The following TBC1D31 variants were observed in gnomAD, a reference collection of about 807,000 sequenced individuals.
TBC1D31 encodes the protein WD repeat domain 67.
A neutral mutation model predicts 132.9 loss-of-function variants in TBC1D31; 99 were observed. That is an observed-to-expected ratio of 0.74 (90% confidence interval 0.63 to 0.88). The LOEUF (loss-of-function observed/expected upper bound fraction) is 0.88. Ranked by LOEUF, TBC1D31 falls within the 40% of genes least tolerant of loss-of-function variation. The pLI is 0.00. For synonymous variants in TBC1D31, 385 were observed against 419.4 expected (o/e 0.92, Z 1.00); for missense variants, 1,134 against 1,256.6 (o/e 0.90, Z 1.48).
At chr8:123,077,495 CT>C (rs143914636) in intron 2 of TBC1D31, among the ~76,000 whole-genome samples, 3,964 of 146,032 alleles carry the variant, frequency 0.027, 139 homozygotes, top group African/African-American at 0.093. Flanking sequence ...TAGTAGTTTC[CT>C]TTTTTTTTTC....
chr8:123,139,573 A>G (rs149153977), intron 17 of TBC1D31, among the ~76,000 whole-genome samples: 1 of 152,114 alleles, frequency 6.6e-6, no homozygotes, highest in South Asian at 2.1e-4. Flanking sequence ...TCACTCAGCT[A>G]GGCAGTTTAT....
intron 11 of TBC1D31, among the ~76,000 whole-genome samples, chr8:123,121,361 G>A (rs1017770488): frequency 1.1e-4 from 16 of 152,280 alleles, no homozygotes; most frequent in African/African-American, 3.9e-4. Flanking sequence ...GTCATAAAAT[G>A]TGAATAATTG....
At chr8:123,110,057 T>C (rs1481004040) in intron 10 of TBC1D31, among the ~76,000 whole-genome samples, 1 of 152,056 alleles carries the variant, frequency 6.6e-6, no homozygotes, top group Non-Finnish European at 1.5e-5. Flanking sequence ...TCACGCCATT[T>C]TACTCCAGCC....
chr8:123,097,966 T>C (rs1816991773), intron 6 of TBC1D31: 1 of 152,324 alleles, frequency 6.6e-6, no homozygotes, highest in Non-Finnish European at 1.5e-5. Context: ...TCATCCCCCT[T>C]CGCTTATTCC....
At chr8:123,096,080 C>G (rs779206352) in intron 5 of TBC1D31, among the ~76,000 whole-genome samples, 15 of 152,202 alleles carry the variant, frequency 9.9e-5, no homozygotes, top group Non-Finnish European at 2.2e-4. Flanking sequence ...TATTTGTTCT[C>G]CCTGTTTTCA....
intron 7 of TBC1D31, chr8:123,103,086 C>T (rs1817602120): frequency 6.6e-6 from 1 of 152,212 alleles, no homozygotes; most frequent in Non-Finnish European, 1.5e-5. Context: ...TCTCAGGAAC[C>T]TGACTCTGTG....
At chr8:123,164,405 G>A in the TBC1D31 span, among the ~76,000 whole-genome samples, 1 of 152,124 alleles carries the variant, frequency 6.6e-6, no homozygotes, top group African/African-American at 2.4e-5. Context: ...AGAGTCTCAG[G>A]CCAAAGGAAA....
chr8:123,079,618 C>T (rs534040681), intron 2 of TBC1D31, among the ~76,000 whole-genome samples: 30 of 152,192 alleles, frequency 2.0e-4, no homozygotes, highest in African/African-American at 7.0e-4. Context: ...ACTTCAACAT[C>T]GAGGACTCTT....
intron 14 of TBC1D31, among the ~76,000 whole-genome samples, chr8:123,128,748 C>A (rs1461987208): frequency 6.7e-6 from 1 of 149,414 alleles, no homozygotes; most frequent in Non-Finnish European, 1.5e-5. Context: ...TGGTGGCACG[C>A]CCCTGTAGTC....
chr8:123,134,279 A>C, intron 17 of TBC1D31, 73 bp downstream of exon 17: 1 of 1,193,742 alleles, frequency 8.4e-7, no homozygotes, highest in Non-Finnish European at 1.2e-6. Context: ...CTGTAATCCC[A>C]GCACTTTGGG....
At chr8:123,157,689 C>G in the TBC1D31 span, among the ~76,000 whole-genome samples, 4 of 150,242 alleles carry the variant, frequency 2.7e-5, no homozygotes, top group East Asian at 2.0e-4. Context: ...AGATGCATAA[C>G]GATTGGAAAA....
chr8:123,120,632 A>G (rs1218837952), intron 11 of TBC1D31, among the ~76,000 whole-genome samples: 1 of 152,176 alleles, frequency 6.6e-6, no homozygotes, highest in Non-Finnish European at 1.5e-5. Context: ...AGATTGCTCT[A>G]CAGCACTCCA....
the TBC1D31 span, among the ~76,000 whole-genome samples, chr8:123,157,924 C>T: frequency 6.6e-6 from 1 of 151,880 alleles, no homozygotes; most frequent in Non-Finnish European, 1.5e-5. Context: ...GCAAGACTTT[C>T]TGACTGCAAG....
intron 11 of TBC1D31, among the ~76,000 whole-genome samples, chr8:123,121,788 G>C (rs1211822054): frequency 2.0e-5 from 3 of 152,018 alleles, no homozygotes; most frequent in African/African-American, 7.2e-5. Context: ...ACTAATACAA[G>C]TATTAGTTTA....
At chr8:123,159,277 A>AG in the TBC1D31 span, among the ~76,000 whole-genome samples, 195 of 124,172 alleles carry the variant, frequency 1.6e-3, no homozygotes, top group African/African-American at 5.5e-3. Flanking sequence ...GGAAAAAAAA[A>AG]AAAAAAGAAA....
chr8:123,114,428 G>C (rs10109587), intron 10 of TBC1D31, among the ~76,000 whole-genome samples: 45,647 of 151,778 alleles, frequency 0.3, 6,900 homozygotes, highest in African/African-American at 0.32. Context: ...TCAGGTGATT[G>C]TCCTGCTTCA....
chr8:123,073,189 GTATT>G (rs1269606052), intron 1 of TBC1D31: 1 of 478,826 alleles, frequency 2.1e-6, no homozygotes, highest in East Asian at 5.2e-5. Flanking sequence ...TGCTCAGTGA[GTATT>G]TAACAGTTGC....
intron 19 of TBC1D31, 25 bp from the exon 20 acceptor site, chr8:123,144,691 CT>C (rs751700887): frequency 8.2e-6 from 13 of 1,592,098 alleles, no homozygotes; most frequent in African/African-American, 4.1e-5. Context: ...TTTATGTAAT[CT>C]TTTTTTCCAT....
At chr8:123,138,274 T>C (rs1821291550) in intron 17 of TBC1D31, among the ~76,000 whole-genome samples, 1 of 152,242 alleles carries the variant, frequency 6.6e-6, no homozygotes, top group Admixed American at 6.5e-5. Flanking sequence ...CCATAACTTA[T>C]TTAAGCTTTC....
Sources: gnomAD v4.1 joint callset for allele counts (sites outside exome capture counted in the v4.1 genomes callset) on GRCh38, gnomAD v4.1.1 for gene constraint, MANE v1.5 for transcripts, NCBI Gene and HGNC (gene_info 2026-07-23, HGNC 2026-07-21) for gene names.